Variants in PDHA1 observed in about 807,000 individuals in gnomAD.
The protein encoded by PDHA1 is pyruvate dehydrogenase E1 subunit alpha 1, also known as pyruvate dehydrogenase E1 component subunit alpha, somatic form, mitochondrial.
A neutral mutation model predicts 33.0 loss-of-function variants in PDHA1; 1 was observed. The ratio of observed to expected loss-of-function variants is 0.03; its 90% CI spans 0.01 to 0.14. The LOEUF (loss-of-function observed/expected upper bound fraction) is 0.14. Ranked by LOEUF, PDHA1 falls within the 10% of genes least tolerant of loss-of-function variation. The pLI, the probability that PDHA1 is intolerant of heterozygous loss-of-function variation, is 1.00. For missense variants in PDHA1, 168 were observed against 325.1 expected (o/e 0.52, Z 3.72); for synonymous variants, 123 against 119.2 (o/e 1.03, Z -0.21).
chrX:19,357,215 C>T (rs1021592703), intron 8 of PDHA1, among the ~76,000 whole-genome samples: 2 of 111,895 alleles, frequency 1.8e-5, no homozygotes, highest in Non-Finnish European at 3.8e-5. Context: ...TCAGGTGATC[C>T]TCCCAAGTAG....
chrX:19,356,899 C>T (rs1186835443), intron 8 of PDHA1, among the ~76,000 whole-genome samples: 4 of 112,184 alleles, frequency 3.6e-5, no homozygotes, highest in African/African-American at 6.5e-5. Context: ...CCCCAGTGTT[C>T]AGAGCCGTCT....
intron 5 of PDHA1, 126 bp from the exon 6 acceptor site, chrX:19,354,365 G>T: frequency 1.9e-6 from 1 of 540,447 alleles, no homozygotes. Flanking sequence ...AGGGTTGGAA[G>T]GAGAGTTTGT....
intron 5 of PDHA1, among the ~76,000 whole-genome samples, 160 bp from the exon 6 acceptor site, chrX:19,354,331 C>T (rs967622774): frequency 1.2e-4 from 14 of 112,291 alleles, no homozygotes; most frequent in East Asian, 2.8e-4. Context: ...TTGAAAATAT[C>T]GGAGGTGGGA....
rs750727352 is a variant in PDHA1 at position 19,359,701 on chromosome X, TTC to T, written c.*51_*52del. The T allele has an allele frequency of 7.3e-6, 8 of 1,102,064 alleles. No individual in the cohort carries two copies. The Admixed American group carries it at 1.8e-4, about 24-fold the overall frequency. The allele number at this position is 1,102,064 out of a possible 1,213,427, so 90.8% of individuals were successfully genotyped here. ...ACCTTCAGGGGGCTACCAGACAGTG[TTC>T]TCAACTTGGTTAAGGAGGAAGAAAA... is the stretch of plus-strand genomic sequence containing the variant. On this transcript the variant is annotated 3_prime_UTR_variant, in exon 11 of 11. Transcript: ENST00000422285.
At chrX:19,353,040 AG>A in intron 4 of PDHA1, 41 bp from the exon 5 acceptor site, 3 of 1,070,525 alleles carry the variant, frequency 2.8e-6, no homozygotes, top group Non-Finnish European at 3.9e-6. Context: ...TGCTTTGTAG[AG>A]TTGGTTTGTT....
Position 19,360,020 on chromosome X carries a change from AGCGCTGGTGCTGCAGCCTGTTC to A in PDHA1, c.*374_*395del. 1 of 262,424 alleles carries A rather than the reference AGCGCTGGTGCTGCAGCCTGTTC, an allele frequency of 3.8e-6. No individual in the cohort carries two copies. The highest frequency in any genetic ancestry group is 4.1e-5 in the South Asian group (1 of 24,367). The allele number at this position is 262,424 out of a possible 1,213,427, so 21.6% of individuals were successfully genotyped here. ...ACCAACCATAGCACCCACCCCGAGC[AGCGCTGGTGCTGCAGCCTGTTC>A]GCGCTGACCATTTCTCTACAAGATA... On this transcript the variant is annotated 3_prime_UTR_variant, in exon 11 of 11. Coordinates refer to ENST00000422285, the MANE Select transcript of PDHA1 (RefSeq NM_000284.4).
Position 19,360,980 on chromosome X carries a change from A to G in PDHA1, c.*1327A>G. 2.2e-6 allele frequency: 1 copy of G among 447,712 alleles called. No homozygotes were observed. Among genetic ancestry groups the G allele is most frequent in the Admixed American group, 4.1e-5 (1 of 24,136 alleles). The allele number at this position is 447,712 out of a possible 1,213,427, so 36.9% of individuals were successfully genotyped here. On this transcript the variant is annotated 3_prime_UTR_variant, in exon 11 of 11. Coordinates refer to ENST00000422285, the MANE Select transcript of PDHA1 (RefSeq NM_000284.4). Reference sequence around the variant, plus strand: ...GCTCGTGTCCCAGCAGTAGTAGGACATGGCCTTAGAGGTACGTACCTGCAG... The same window carrying G: ...GCTCGTGTCCCAGCAGTAGTAGGACGTGGCCTTAGAGGTACGTACCTGCAG...
Position 19,360,795 on chromosome X carries a change from TG to T in PDHA1, c.*1145del. 1 of 1,209,920 alleles carries T rather than the reference TG, an allele frequency of 8.3e-7. No individual in the cohort carries two copies. Among genetic ancestry groups the T allele is most frequent in the South Asian group, 1.8e-5 (1 of 56,732 alleles). On this transcript the variant is annotated 3_prime_UTR_variant, in exon 11 of 11. Coordinates refer to ENST00000422285, the MANE Select transcript of PDHA1 (RefSeq NM_000284.4). ...TGAGGCCTCCTGAGCCCTTCTGTAC[TG>T]GGAGACCGCACTCCAGAGTCTGCAG...
Position 19,350,062 on chromosome X carries a change from G to A in PDHA1, c.243G>A (p.Leu81=). The A allele has an allele frequency of 8.3e-7, 1 of 1,207,371 alleles. No homozygotes were observed. The highest frequency in any genetic ancestry group is 1.1e-6 in the Non-Finnish European group (1 of 891,638). ...GAATGGAGTTGAAAGCAGATCAGCTGTATAAACAGAAAATTATTCGTGGTT... is the reference window on the plus strand; with the variant it reads ...GAATGGAGTTGAAAGCAGATCAGCTATATAAACAGAAAATTATTCGTGGTT... ...VRRMELKADQ[L]YKQKIIRGFC... The change falls in exon 3 of 11, where the codon CTG becomes CTA. Residue 81 remains leucine, a synonymous_variant. Coordinates refer to ENST00000422285, the MANE Select transcript of PDHA1 (RefSeq NM_000284.4).
rs191666624 is a variant in PDHA1, at chrX:19,351,276, C to T, written c.292-5C>T. 7.2e-5 allele frequency: 87 copies of T among 1,205,166 alleles called. 1 individual carries two copies. In the East Asian group the frequency reaches 1.8e-3, roughly 25 times the overall value. On this transcript the variant is annotated splice_polypyrimidine_tract_variant and splice_region_variant and intron_variant, in intron 3 of 10. Coordinates refer to ENST00000422285, the MANE Select transcript of PDHA1 (RefSeq NM_000284.4). ...GCCTCATAGTTTCTCCTTCCTCTAA[C>T]ACAGGAAGCTTGCTGTGTGGGCCTG...
Position 19,355,453 on chromosome X carries a change from G to T in PDHA1, c.708G>T (p.Ala236=), listed in dbSNP as rs750307419. 1.7e-6 allele frequency: 2 copies of T among 1,211,961 alleles called. No homozygotes were observed. The highest frequency in any genetic ancestry group is 3.0e-5 in the East Asian group (1 of 33,869). ...RYGMGTSVER[A]AASTDYYKRG... ...GAATGGGAACGTCTGTTGAGAGAGC[G>T]GCAGCCAGCACTGATTACTACAAGA... The change falls in exon 7 of 11, where the codon GCG becomes GCT. Residue 236 remains alanine, a synonymous_variant. Coordinates refer to ENST00000422285, the MANE Select transcript of PDHA1 (RefSeq NM_000284.4).
intron 8 of PDHA1, 80 bp downstream of exon 8, chrX:19,355,837 T>G: frequency 1.4e-6 from 1 of 710,150 alleles, no homozygotes; most frequent in South Asian, 2.2e-5. Context: ...CTGCTGAAGC[T>G]GTTAGTGGGT....
chrX:19,350,188 C>T (rs2063155851), intron 3 of PDHA1, 78 bp downstream of exon 3: 14 of 706,459 alleles, frequency 2.0e-5, no homozygotes. Flanking sequence ...TTTACCCTGC[C>T]ATATGTATCA....
At chrX:19,358,099 T>C (rs1328033184) in intron 9 of PDHA1, among the ~76,000 whole-genome samples, 4 of 112,146 alleles carry the variant, frequency 3.6e-5, no homozygotes, top group Non-Finnish European at 7.5e-5. Flanking sequence ...AATTTGGAGA[T>C]GTTCCTCTGT....
rs376808450 is a variant in PDHA1, at chrX:19,360,382, G to A, written c.*729G>A. ...GGTGTACTTTTTTTGAGACAGGGTC[G>A]GGCTCTGTTGCCCAGGCTGGAGTGC... is the stretch of plus-strand genomic sequence containing the variant. On this transcript the variant is annotated 3_prime_UTR_variant, in exon 11 of 11. Coordinates refer to ENST00000422285, the MANE Select transcript of PDHA1 (RefSeq NM_000284.4). 3.8e-4 allele frequency: 61 copies of A among 159,227 alleles called. No individual in the cohort carries two copies. Among genetic ancestry groups the A allele is most frequent in the East Asian group, 8.7e-4 (4 of 4,578 alleles). 13.1% of individuals were successfully genotyped at this position (159,227 alleles called of 1,213,427 possible). A position where few individuals can be genotyped will look rare whatever the true frequency, so the allele number is the denominator to read the frequency against.
intron 4 of PDHA1, among the ~76,000 whole-genome samples, chrX:19,351,886 C>A (rs868180288): frequency 3.8e-5 from 4 of 104,728 alleles, no homozygotes; most frequent in Non-Finnish European, 5.8e-5. Flanking sequence ...GCAACCTCCA[C>A]CTCCCGGGTT....
Position 19,361,227 on chromosome X carries a change from T to G in PDHA1, c.*1574T>G. 1.6e-6 allele frequency: 1 copy of G among 626,988 alleles called. No individual in the cohort carries two copies. Among genetic ancestry groups the G allele is most frequent in the Non-Finnish European group, 2.4e-6 (1 of 413,143 alleles). 51.7% of individuals were successfully genotyped at this position (626,988 alleles called of 1,213,427 possible). The stretch of plus-strand genomic sequence containing the variant: ...CCTTGGCTTTTTCCCAGCTTGAACC[T>G]AATAGAACTCCAGAGTTTGGGGGGA... On this transcript the variant is annotated 3_prime_UTR_variant, in exon 11 of 11. Coordinates refer to ENST00000422285, the MANE Select transcript of PDHA1 (RefSeq NM_000284.4).
chrX:19,345,565 C>T (rs760943592), intron 1 of PDHA1, among the ~76,000 whole-genome samples: 217 of 73,806 alleles, frequency 2.9e-3, no homozygotes, highest in Non-Finnish European at 4.8e-3. Context: ...AGCAAGACTC[C>T]GTATTTTAAA....
Position 19,360,601 on chromosome X carries a change from C to G in PDHA1, c.*948C>G, listed in dbSNP as rs1354036653. On this transcript the variant is annotated 3_prime_UTR_variant, in exon 11 of 11. Coordinates refer to ENST00000422285, the MANE Select transcript of PDHA1 (RefSeq NM_000284.4). ...AACAGGTTTCAAAAGAAACTCAGGA[C>G]AGTATTTAAAACAAGTTCTTAAACT... The G allele has an allele frequency of 6.6e-6, 3 of 453,963 alleles. No individual in the cohort carries two copies. The highest frequency in any genetic ancestry group is 7.6e-6 in the Non-Finnish European group (2 of 264,319). 37.4% of individuals were successfully genotyped at this position (453,963 alleles called of 1,213,427 possible). A position where few individuals can be genotyped will look rare whatever the true frequency, so the allele number is the denominator to read the frequency against.
Sources: gnomAD v4.1 joint callset for allele counts (sites outside exome capture counted in the v4.1 genomes callset) on GRCh38, gnomAD v4.1.1 for gene constraint, MANE v1.5 for transcripts, NCBI Gene and HGNC (gene_info 2026-07-23, HGNC 2026-07-21) for gene names.